NPFFR2: variants seen among roughly 807,000 people sequenced by gnomAD.
The protein encoded by NPFFR2 is G-protein coupled receptor 74.
Under a neutral mutation model 13.1 loss-of-function variants are expected in NPFFR2, and 15 were observed. That is an observed-to-expected ratio of 1.15 (90% CI 0.77 to 1.76). The LOEUF (loss-of-function observed/expected upper bound fraction) is 1.76, where lower values mean the gene tolerates loss of function less well. NPFFR2 is among the 40% of genes most tolerant of loss of function. The pLI, the probability that NPFFR2 is intolerant of heterozygous loss-of-function variation, is 0.00. For synonymous variants in NPFFR2, 190 were observed against 175.7 expected (o/e 1.08, Z -0.65); for missense variants, 572 against 503.5 (o/e 1.14, Z -1.30).
At chr4:72,045,029 AGATTT>A (rs1719336424) in intron 1 of NPFFR2, among the ~76,000 whole-genome samples, 2 of 152,116 alleles carry the variant, frequency 1.3e-5, no homozygotes, top group South Asian at 4.1e-4. Context: ...TTTAAATCTT[AGATTT>A]AAGTCTTTAT....
At chr4:72,104,614 CG>C (rs2109813407) in intron 1 of NPFFR2, among the ~76,000 whole-genome samples, 1 of 152,070 alleles carries the variant, frequency 6.6e-6, no homozygotes, top group South Asian at 2.1e-4. Flanking sequence ...GCTTAAAGCC[CG>C]TTATGTCCCA....
At chr4:72,074,344 A>T (rs1720363409) in intron 1 of NPFFR2, among the ~76,000 whole-genome samples, 1 of 152,030 alleles carries the variant, frequency 6.6e-6, no homozygotes, top group Admixed American at 6.6e-5. Context: ...TTGTCATCTC[A>T]CTTCATCACA....
chr4:72,037,471 C>T (rs1053620143), intron 1 of NPFFR2, among the ~76,000 whole-genome samples: 2 of 150,118 alleles, frequency 1.3e-5, no homozygotes, highest in South Asian at 4.2e-4. Context: ...ACTTTCTGTC[C>T]TTGCATTCTT....
chr4:72,036,602 A>C (rs1223391537), intron 1 of NPFFR2, among the ~76,000 whole-genome samples: 1 of 145,268 alleles, frequency 6.9e-6, no homozygotes, highest in African/African-American at 2.6e-5. Flanking sequence ...GTATATATAC[A>C]TTTAAATATA....
intron 1 of NPFFR2, among the ~76,000 whole-genome samples, chr4:72,044,748 A>AT (rs1296188493): frequency 4.2e-5 from 3 of 71,694 alleles, no homozygotes; most frequent in East Asian, 4.7e-4. Context: ...TGGGATTATT[A>AT]TTTTTTTTTC....
At chr4:72,065,834 A>G (rs1413461526) in intron 1 of NPFFR2, among the ~76,000 whole-genome samples, 2 of 152,120 alleles carry the variant, frequency 1.3e-5, no homozygotes, top group East Asian at 3.9e-4. Flanking sequence ...AGATCTTCAG[A>G]AGGCTCATCC....
At chr4:72,083,168 C>T (rs577622503) in intron 1 of NPFFR2, among the ~76,000 whole-genome samples, 1 of 152,122 alleles carries the variant, frequency 6.6e-6, no homozygotes, top group Non-Finnish European at 1.5e-5. Context: ...CCAGTTATCT[C>T]TTCGAGATAC....
At position 72,147,525 on chromosome 4, in the gene NPFFR2, A is replaced by G. The variant is rs1466016601; in HGVS notation, c.976A>G (p.Ser326Gly). Residue 326 changes from serine (S) to glycine (G), a missense_variant, in exon 4 of 4, where the codon AGC becomes GGC. Coordinates refer to ENST00000308744, the MANE Select transcript of NPFFR2 (RefSeq NM_004885.3). ...PFAHWLAFGN[S>G]SVNPIIYGFF... ...TGCACACTGGCTGGCATTCGGCAAC[A>G]GCAGTGTCAATCCCATCATTTATGG... 1 of 1,614,240 alleles carries G rather than the reference A, an allele frequency of 6.2e-7. No homozygotes were observed. Among genetic ancestry groups the G allele is most frequent in the South Asian group, 1.1e-5 (1 of 91,088 alleles).
rs200830127 is a variant in NPFFR2 at position 72,147,168 on chromosome 4, C to G, written c.619C>G (p.Arg207Gly). The change falls in exon 4 of 4, where the codon CGG becomes GGG. Residue 207 changes from arginine (R) to glycine (G), a missense_variant. By Grantham distance (125) the Arg-to-Gly change is moderately radical (BLOSUM62 -2). Coordinates refer to ENST00000308744, the MANE Select transcript of NPFFR2 (RefSeq NM_004885.3). Reference sequence around the variant, plus strand: ...TAAAACCAGTCCAGTCTACTGGTGCCGGGAAGACTGGCCAAATCAGGAAAT... The same window carrying G: ...TAAAACCAGTCCAGTCTACTGGTGCGGGGAAGACTGGCCAAATCAGGAAAT... ...QNKTSPVYWCREDWPNQEMRK... is the reference protein window; with the variant it reads ...QNKTSPVYWCGEDWPNQEMRK... 1.9e-6 allele frequency: 3 copies of G among 1,613,982 alleles called. No homozygotes were observed. In the African/African-American group the frequency reaches 4.0e-5, roughly 22 times the overall value.
chr4:72,142,698 CACT>C (rs1462242412), intron 3 of NPFFR2, among the ~76,000 whole-genome samples: 2 of 152,126 alleles, frequency 1.3e-5, no homozygotes, highest in Non-Finnish European at 2.9e-5. Context: ...CTATTTTTCA[CACT>C]ACAATATAGA....
At chr4:72,088,959 T>A (rs112809005) in intron 1 of NPFFR2, among the ~76,000 whole-genome samples, 48 of 152,144 alleles carry the variant, frequency 3.2e-4, no homozygotes, top group African/African-American at 1.1e-3. Context: ...ACCCAGCGTG[T>A]AGTCTTTTAT....
intron 2 of NPFFR2, among the ~76,000 whole-genome samples, chr4:72,135,084 T>C (rs1473829762): frequency 6.6e-6 from 1 of 152,146 alleles, no homozygotes; most frequent in African/African-American, 2.4e-5. Flanking sequence ...AAGGAATTAC[T>C]CTATTGCTAC....
chr4:72,106,345 G>A (rs572556834), intron 1 of NPFFR2, among the ~76,000 whole-genome samples: 6 of 152,044 alleles, frequency 3.9e-5, no homozygotes, highest in African/African-American at 9.6e-5. Flanking sequence ...TGTTAATGGC[G>A]AAGCTAGGGA....
In NPFFR2 at chr4:72,138,028, T is replaced by C. The variant is rs776096743; in HGVS notation, c.329-12T>C. On this transcript the variant is annotated splice_polypyrimidine_tract_variant and intron_variant, in intron 2 of 3. Transcript: ENST00000308744. Reference sequence around the variant, plus strand: ...TATGATCTTTTGAAAGACTGTTTCATTTTCCTTTCAGGATGGCCATTTGGA... The same window carrying C: ...TATGATCTTTTGAAAGACTGTTTCACTTTCCTTTCAGGATGGCCATTTGGA... 2 of 1,595,948 alleles carry C rather than the reference T, an allele frequency of 1.3e-6. No homozygotes were observed. The highest frequency in any genetic ancestry group is 2.2e-5 in the South Asian group (2 of 89,554).
rs1373183263 is a variant in NPFFR2 at position 72,147,207 on chromosome 4, A to G, written c.658A>G (p.Thr220Ala). ...AAATCAGGAAATGAGGAAGATCTAC[A>G]CCACTGTGCTGTTTGCCAACATCTA... ...WPNQEMRKIYTTVLFANIYLA... is the reference protein window; with the variant it reads ...WPNQEMRKIYATVLFANIYLA... The change falls in exon 4 of 4, where the codon ACC becomes GCC. Residue 220 changes from threonine (T) to alanine (A), a missense_variant. By Grantham distance (58) the Thr-to-Ala change is moderately conservative. Transcript: ENST00000308744. The G allele has an allele frequency of 1.2e-6, 2 of 1,614,000 alleles. No homozygotes were observed. Among genetic ancestry groups the G allele is most frequent in the African/African-American group, 1.3e-5 (1 of 74,922 alleles).
intron 1 of NPFFR2, among the ~76,000 whole-genome samples, chr4:72,114,042 G>C (rs10446503): frequency 0.27 from 40,548 of 151,804 alleles, 6,049 homozygotes; most frequent in Middle Eastern, 0.38. Flanking sequence ...AATATGAATA[G>C]ACTATTTGCC....
intron 1 of NPFFR2, among the ~76,000 whole-genome samples, chr4:72,038,847 CCTAAA>C (rs1719111708): frequency 6.6e-6 from 1 of 150,624 alleles, no homozygotes; most frequent in African/African-American, 2.4e-5. Context: ...TGCATAAGTG[CCTAAA>C]CTAAATTATA....
chr4:72,105,873 A>G (rs1721405043), intron 1 of NPFFR2, among the ~76,000 whole-genome samples: 1 of 152,044 alleles, frequency 6.6e-6, no homozygotes, highest in Non-Finnish European at 1.5e-5. Context: ...TATCCTCCTA[A>G]TAATTATGTA....
intron 1 of NPFFR2, among the ~76,000 whole-genome samples, chr4:72,081,515 G>T (rs189271010): frequency 1.4e-5 from 2 of 147,474 alleles, no homozygotes; most frequent in Admixed American, 1.4e-4. Context: ...TGAGACTGAG[G>T]TCTTGCTCTG....
Sources: gnomAD v4.1 joint callset for allele counts (sites outside exome capture counted in the v4.1 genomes callset) on GRCh38, gnomAD v4.1.1 for gene constraint, MANE v1.5 for transcripts, NCBI Gene and HGNC (gene_info 2026-07-23, HGNC 2026-07-21) for gene names.